The following CEP162 variants were observed in gnomAD, a reference collection of about 807,000 sequenced individuals.
The protein encoded by CEP162 is centrosomal protein 162, also known as centrosomal protein of 162 kDa.
Under a neutral mutation model 169.2 loss-of-function variants are expected in CEP162, and 141 were observed. That is an observed-to-expected ratio of 0.83 (90% CI 0.73 to 0.96). The LOEUF is 0.96. CEP162 is among the 40% of genes least tolerant of loss of function. CEP162 has a pLI of 0.00. For synonymous variants in CEP162, 540 were observed against 526.4 expected, an observed-to-expected ratio of 1.03 and a Z score of -0.35; for missense variants, 1,600 against 1,587.2, an observed-to-expected ratio of 1.01 and a Z score of -0.14.
At chr6:84,185,077 C>T in intron 13 of CEP162, 110 bp downstream of exon 13, 1 of 965,810 alleles carries the variant, frequency 1.0e-6, no homozygotes, top group Non-Finnish European at 1.5e-6. Flanking sequence ...TGGGTCAAGC[C>T]CTGTTGCCTC....
intron 19 of CEP162, 64 bp from the exon 20 acceptor site, chr6:84,161,973 T>A: frequency 1.9e-6 from 2 of 1,044,026 alleles, no homozygotes; most frequent in Non-Finnish European, 2.7e-6. Context: ...TAAACTAAAT[T>A]AAAAGATTTT....
intron 19 of CEP162, 71 bp downstream of exon 19, chr6:84,163,071 ATT>A (rs2099526421): frequency 7.0e-7 from 1 of 1,432,094 alleles, no homozygotes; most frequent in African/African-American, 1.4e-5. Context: ...ATACCATTCA[ATT>A]TCTATTACTT....
chr6:84,193,953 T>G (rs1401797814), intron 10 of CEP162, among the ~76,000 whole-genome samples: 3 of 152,200 alleles, frequency 2.0e-5, no homozygotes, highest in Non-Finnish European at 2.9e-5. Context: ...CATATTTGGT[T>G]GATCCTGAAA....
intron 8 of CEP162, among the ~76,000 whole-genome samples, chr6:84,201,535 A>G (rs1588863894): frequency 6.6e-6 from 1 of 152,190 alleles, no homozygotes; most frequent in South Asian, 2.1e-4. Context: ...GGCAAAGGGC[A>G]TAAGAAAAAT....
chr6:84,156,733 G>A (rs1203476575), intron 21 of CEP162, among the ~76,000 whole-genome samples: 1 of 128,994 alleles, frequency 7.8e-6, no homozygotes, highest in Non-Finnish European at 1.6e-5. Context: ...AAAATAAATC[G>A]TATCAAAAAG....
chr6:84,143,601 G>A (rs2099517609), intron 25 of CEP162, among the ~76,000 whole-genome samples: 1 of 152,016 alleles, frequency 6.6e-6, no homozygotes, highest in East Asian at 1.9e-4. Flanking sequence ...ACAAAAAAAT[G>A]AATGAATGTA....
Position 84,140,915 on chromosome 6 carries a change from A to G in CEP162, c.3870+5772T>C, listed in dbSNP as rs140954566. ...CCAGGGACTGGTTTTGTGGAAGACAATTCTTCCACGGAAAGAGGGAGGATG... is the reference window on the plus strand; with the variant it reads ...CCAGGGACTGGTTTTGTGGAAGACAGTTCTTCCACGGAAAGAGGGAGGATG... On this transcript the variant is annotated intron_variant, in intron 25 of 26. Coordinates refer to ENST00000403245, the MANE Select transcript of CEP162 (RefSeq NM_014895.4). Among the ~76,000 whole-genome samples the G allele has an allele frequency of 4.6e-3, 697 of 152,254 alleles. 8 individuals carry two copies. Among genetic ancestry groups the G allele is most frequent in the African/African-American group, 0.016 (665 of 41,534 alleles).
chr6:84,203,409 A>G (rs1406025461), intron 7 of CEP162, among the ~76,000 whole-genome samples: 1 of 152,254 alleles, frequency 6.6e-6, no homozygotes, highest in Non-Finnish European at 1.5e-5. Context: ...TTCAATTTCT[A>G]AAGCTTAACT....
At chr6:84,125,947 A>G (rs766650402) in intron 26 of CEP162, among the ~76,000 whole-genome samples, 19 of 152,200 alleles carry the variant, frequency 1.2e-4, no homozygotes, top group Non-Finnish European at 2.2e-4. Context: ...TACATCTGCT[A>G]TTTTTAACTT....
At chr6:84,185,538 G>A in intron 12 of CEP162, 90 bp from the exon 13 acceptor site, 1 of 1,127,698 alleles carries the variant, frequency 8.9e-7, no homozygotes, top group Non-Finnish European at 1.3e-6. Context: ...AAACAATAGT[G>A]ATTATCAAAT....
Position 84,171,617 on chromosome 6 carries a change from T to A in CEP162, c.2268A>T (p.Val756=). 6.8e-7 allele frequency: 1 copy of A among 1,460,556 alleles called. No individual in the cohort carries two copies. The highest frequency in any genetic ancestry group is 2.5e-5 in the Admixed American group (1 of 39,870). 90.5% of individuals were successfully genotyped at this position (1,460,556 alleles called of 1,614,324 possible). A position where few individuals can be genotyped will look rare whatever the true frequency, so the allele number is the denominator to read the frequency against. Reference sequence around the variant, plus strand: ...TCAAAAGGACTTACTTTAAGGAAGCTACCTCACTGAATAAACTTTGGTTTT... The same window carrying A: ...TCAAAAGGACTTACTTTAAGGAAGCAACCTCACTGAATAAACTTTGGTTTT... ...FKENQSLFSE[V]ASLKEQMHKS... Residue 756 remains valine (V), a synonymous_variant, in exon 17 of 27, where the codon GTA becomes GTT. Transcript: ENST00000403245.
chr6:84,161,626 C>T (rs1338400945), intron 20 of CEP162, 120 bp downstream of exon 20: 1 of 755,088 alleles, frequency 1.3e-6, no homozygotes, highest in South Asian at 1.8e-5. Flanking sequence ...AACCACCGAT[C>T]TTAATTAATA....
intron 25 of CEP162, among the ~76,000 whole-genome samples, chr6:84,139,733 G>T (rs969277724): frequency 1.8e-4 from 27 of 152,142 alleles, no homozygotes; most frequent in Non-Finnish European, 1.0e-4. Flanking sequence ...AGATTGGTAG[G>T]AGAAAAAAAT....
chr6:84,165,807 T>G (rs1214932588), intron 18 of CEP162, among the ~76,000 whole-genome samples: 2 of 152,224 alleles, frequency 1.3e-5, no homozygotes, highest in Non-Finnish European at 2.9e-5. Flanking sequence ...AAAGCATTTG[T>G]AAAGCATTAT....
intron 6 of CEP162, among the ~76,000 whole-genome samples, chr6:84,212,056 T>C (rs977206401): frequency 6.6e-6 from 1 of 151,720 alleles, no homozygotes; most frequent in African/African-American, 2.4e-5. Flanking sequence ...AAACACTACA[T>C]AAAATTCTGT....
intron 2 of CEP162, among the ~76,000 whole-genome samples, 158 bp from the exon 3 acceptor site, chr6:84,221,329 A>C (rs1363988519): frequency 2.0e-5 from 3 of 152,246 alleles, no homozygotes; most frequent in Non-Finnish European, 4.4e-5. Flanking sequence ...AGCTACAAAC[A>C]TATTTGGCCA....
intron 22 of CEP162, among the ~76,000 whole-genome samples, chr6:84,154,358 G>GTCTGTCTATCTA (rs1554165787): frequency 1.7e-4 from 25 of 149,674 alleles, no homozygotes; most frequent in African/African-American, 6.2e-4. Context: ...CTGTCTGTCT[G>GTCTGTCTATCTA]TCTATCTATC....
chr6:84,164,603 A>G (rs1250340398), intron 18 of CEP162, among the ~76,000 whole-genome samples: 1 of 152,130 alleles, frequency 6.6e-6, no homozygotes, highest in East Asian at 1.9e-4. Flanking sequence ...GGAACAGAAA[A>G]CCGAACACTG....
In CEP162 at chr6:84,162,638, C is replaced by T. The variant is rs9444143; in HGVS notation, c.2512+506G>A. On this transcript the variant is annotated intron_variant, in intron 19 of 26. Transcript: ENST00000403245. ...GCCCAGCTCAAATGCCACTCTGCCA[C>T]GAAACCCTCATTTGGTATCCCAATT... Among the ~76,000 whole-genome samples the T allele has an allele frequency of 7.4e-3, 1,131 of 152,252 alleles. 16 individuals are homozygous for T. The highest frequency in any genetic ancestry group is 0.025 in the African/African-American group (1,041 of 41,534).
Sources: gnomAD v4.1 joint callset for allele counts (sites outside exome capture counted in the v4.1 genomes callset) on GRCh38, gnomAD v4.1.1 for gene constraint, MANE v1.5 for transcripts, NCBI Gene and HGNC (gene_info 2026-07-23, HGNC 2026-07-21) for gene names.